NAA35: variants seen among roughly 807,000 people sequenced by gnomAD.
NAA35 encodes MAK10 homolog, amino-acid N-acetyltransferase subunit.
A neutral mutation model predicts 101.7 loss-of-function variants in NAA35; 18 were observed. The ratio of observed to expected loss-of-function variants is 0.18; its 90% CI spans 0.12 to 0.26. The LOEUF (loss-of-function observed/expected upper bound fraction) is 0.26, where lower values mean the gene tolerates loss of function less well. NAA35 is among the 10% of genes least tolerant of loss of function. NAA35 has a pLI of 1.00. For synonymous variants in NAA35, 267 were observed against 273.1 expected (o/e 0.98, Z 0.22); for missense variants, 601 against 886.8 (o/e 0.68, Z 4.09).
At chr9:85,998,039 C>T (rs192168597) in intron 12 of NAA35, among the ~76,000 whole-genome samples, 32 of 152,174 alleles carry the variant, frequency 2.1e-4, no homozygotes, top group African/African-American at 6.3e-4. Context: ...CTCAGCCTCC[C>T]GAGTAGCTGG....
At chr9:85,947,407 TA>T (rs1345334902) in intron 2 of NAA35, among the ~76,000 whole-genome samples, 2 of 152,210 alleles carry the variant, frequency 1.3e-5, no homozygotes, top group Non-Finnish European at 2.9e-5. Context: ...CACTTGATTC[TA>T]AGAGGAAAAG....
chr9:86,014,175 A>G (rs1832087629), intron 17 of NAA35, among the ~76,000 whole-genome samples: 1 of 152,252 alleles, frequency 6.6e-6, no homozygotes, highest in East Asian at 1.9e-4. Flanking sequence ...CCTATGGAGA[A>G]AAATTAACAC....
rs1421120974 is a variant in NAA35, at chr9:86,017,989, C to G, written c.1774-266C>G. Among the ~76,000 whole-genome samples, 4 of 152,286 alleles carry G rather than the reference C, an allele frequency of 2.6e-5. No individual in the cohort carries two copies. The East Asian group carries it at 7.7e-4, about 29-fold the overall frequency. On this transcript the variant is annotated intron_variant, in intron 19 of 22. Transcript: ENST00000361671. The stretch of plus-strand genomic sequence containing the variant: ...TGGCTTAAGCAAAAGCAGGTCTTTT[C>G]AAAAGGCAGTGGGTACTAACTCTTA...
At chr9:85,998,301 A>G (rs923869008) in intron 12 of NAA35, among the ~76,000 whole-genome samples, 9 of 152,164 alleles carry the variant, frequency 5.9e-5, no homozygotes, top group Non-Finnish European at 1.2e-4. Flanking sequence ...TGTATCATGA[A>G]CATCTTCCTT....
intron 11 of NAA35, among the ~76,000 whole-genome samples, chr9:85,990,284 A>G (rs1022303601): frequency 6.6e-6 from 1 of 152,234 alleles, no homozygotes; most frequent in African/African-American, 2.4e-5. Flanking sequence ...TGTTTAGGAG[A>G]CATCTGCCCC....
chr9:85,975,682 G>A (rs577024111), intron 8 of NAA35, among the ~76,000 whole-genome samples: 42 of 152,248 alleles, frequency 2.8e-4, no homozygotes, highest in Admixed American at 2.6e-3. Flanking sequence ...AGAGAGATGA[G>A]TATATTAAAA....
intron 2 of NAA35, among the ~76,000 whole-genome samples, chr9:85,955,375 T>TC (rs1186017874): frequency 2.2e-5 from 3 of 133,996 alleles, no homozygotes; most frequent in Non-Finnish European, 4.7e-5. Flanking sequence ...TTTTTTTTTT[T>TC]TTCTTCAGAC....
chr9:85,989,692 C>T (rs1428697808), intron 11 of NAA35, among the ~76,000 whole-genome samples: 1 of 152,116 alleles, frequency 6.6e-6, no homozygotes, highest in African/African-American at 2.4e-5. Flanking sequence ...AAAGCTGTGG[C>T]AGAAGGACAG....
chr9:85,945,196 A>G (rs1268257861), intron 2 of NAA35, among the ~76,000 whole-genome samples: 1 of 152,220 alleles, frequency 6.6e-6, no homozygotes, highest in Non-Finnish European at 1.5e-5. Flanking sequence ...TTTGTGGCCA[A>G]CATACCATCC....
chr9:85,955,548 A>G (rs1008760638), intron 2 of NAA35, among the ~76,000 whole-genome samples: 17 of 151,330 alleles, frequency 1.1e-4, no homozygotes, highest in Non-Finnish European at 2.5e-4. Flanking sequence ...TATTTTTAGT[A>G]GAGATGGGGT....
intron 11 of NAA35, among the ~76,000 whole-genome samples, chr9:85,983,073 C>G (rs750325984): frequency 3.9e-5 from 6 of 152,118 alleles, no homozygotes; most frequent in Non-Finnish European, 5.9e-5. Context: ...TTTCATCCCC[C>G]TTTTTGCTGA....
chr9:85,972,005 T>C (rs1830019271), intron 6 of NAA35, among the ~76,000 whole-genome samples: 1 of 152,178 alleles, frequency 6.6e-6, no homozygotes, highest in Admixed American at 6.5e-5. Flanking sequence ...TGATCTTTAA[T>C]GGTAGCAGTC....
rs143451209 is a variant in NAA35, at chr9:85,946,127, T to G, written c.124+3844T>G. 1.3e-5 allele frequency among the ~76,000 whole-genome samples: 2 copies of G among 152,098 alleles called. 1 individual carries two copies. The highest frequency in any genetic ancestry group is 4.8e-5 in the African/African-American group (2 of 41,486). On this transcript the variant is annotated intron_variant, in intron 2 of 22. Transcript: ENST00000361671. ...AGGCTTGCTTTCTTAAAAAAAAAAT[T>G]AGTAAGTTAAATTTTTTTTTTCTTT...
rs202159252 is a variant in NAA35 at position 85,978,263 on chromosome 9, C to T, written c.763-4C>T. ...AAGAATGTTTTTGGTGATTTATTTG[C>T]TAGACCAGTGCTGTTGCAGAAGCTC... is the stretch of plus-strand genomic sequence containing the variant. On this transcript the variant is annotated splice_polypyrimidine_tract_variant and splice_region_variant and intron_variant, in intron 10 of 22. Transcript: ENST00000361671. 8.3e-6 allele frequency: 13 copies of T among 1,570,234 alleles called. No individual in the cohort carries two copies. In the East Asian group the frequency reaches 2.9e-4, roughly 35 times the overall value.
chr9:86,009,876 A>G lies in NAA35; in HGVS notation c.1235A>G (p.Tyr412Cys), dbSNP rs756649494. The change falls in exon 15 of 23, where the codon TAT (tyrosine) becomes TGT (cysteine). Residue 412 changes from tyrosine (Y) to cysteine (C), a missense_variant. Coordinates refer to ENST00000361671, the MANE Select transcript of NAA35 (RefSeq NM_024635.4). The part of the protein sequence containing the change: ...PPVLSPKCYL[Y>C]NNHQAKDCID... Reference sequence around the variant, plus strand: ...CTGTTATCTTGCAGGTGCTACCTATATAATAATCACCAGGCTAAGGACTGT... The same window carrying G: ...CTGTTATCTTGCAGGTGCTACCTATGTAATAATCACCAGGCTAAGGACTGT... The G allele has an allele frequency of 1.2e-6, 2 of 1,612,640 alleles. No homozygotes were observed. The highest frequency in any genetic ancestry group is 1.7e-6 in the Non-Finnish European group (2 of 1,178,898).
chr9:85,992,169 G>A (rs150192367), intron 11 of NAA35, among the ~76,000 whole-genome samples: 2,134 of 49,038 alleles, frequency 0.044, 55 homozygotes, highest in African/African-American at 0.15. Flanking sequence ...GCAAGACTCC[G>A]TCTCAAAAAA....
chr9:85,942,009 T>C, intron 1 of NAA35, 146 bp from the exon 2 acceptor site: 1 of 1,325,544 alleles, frequency 7.5e-7, no homozygotes, highest in Admixed American at 2.9e-5. Flanking sequence ...GGTTATTCTT[T>C]GCAGTACTGT....
In NAA35 at chr9:85,941,191, G is replaced by T; in HGVS notation, c.-88G>T. ...CCGGTCGGGCTGGGCTGAGAGGGGA[G>T]GGGGCGGCGGCGGCCGAGGCGGCGT... On this transcript the variant is annotated 5_prime_UTR_variant, in exon 1 of 23. It adds an upstream start codon to the 5' untranslated region. Transcript: ENST00000361671. 1.0e-6 allele frequency: 1 copy of T among 986,848 alleles called. No individual in the cohort carries two copies. The highest frequency in any genetic ancestry group is 1.2e-6 in the Non-Finnish European group (1 of 830,918). 61.1% of individuals were successfully genotyped at this position (986,848 alleles called of 1,614,324 possible).
At chr9:85,984,784 T>C (rs1261984825) in intron 11 of NAA35, among the ~76,000 whole-genome samples, 2 of 152,108 alleles carry the variant, frequency 1.3e-5, no homozygotes, top group African/African-American at 4.8e-5. Flanking sequence ...AAAAGTCTTT[T>C]CATCAAAGAT....
Sources: gnomAD v4.1 joint callset for allele counts (sites outside exome capture counted in the v4.1 genomes callset) on GRCh38, gnomAD v4.1.1 for gene constraint, MANE v1.5 for transcripts, NCBI Gene and HGNC (gene_info 2026-07-23, HGNC 2026-07-21) for gene names.